The following AGBL1 variants were observed in gnomAD, a reference collection of about 807,000 sequenced individuals.
AGBL1 encodes cytosolic carboxypeptidase 4.
In AGBL1, 130 loss-of-function variants were observed where a neutral mutation model predicts 118.9. The observed-to-expected ratio is 1.09, with a 90% CI of 0.95 to 1.26. AGBL1 has a LOEUF of 1.26. AGBL1 is among the 50% of genes most tolerant of loss of function. The probability of loss-of-function intolerance (pLI) is 0.00; values close to 1 mark genes in which losing one functional copy is unlikely to be tolerated. For missense variants in AGBL1, 1,584 were observed against 1,298.1 expected (o/e 1.22, Z -3.38); for synonymous variants, 555 against 478.9 (o/e 1.16, Z -2.08).
At chr15:86,311,163 C>A (rs1420050590) in intron 17 of AGBL1, among the ~76,000 whole-genome samples, 1 of 152,210 alleles carries the variant, frequency 6.6e-6, no homozygotes, top group Non-Finnish European at 1.5e-5. Context: ...TTGTTCTTGG[C>A]ACTTACAGAT....
At chr15:87,028,780 A>G in intron 24 of AGBL1, 1 of 1,579,576 alleles carries the variant, frequency 6.3e-7, no homozygotes, top group Non-Finnish European at 8.7e-7. Flanking sequence ...CAGAAGTTAC[A>G]CGGCTTCAAG....
intron 21 of AGBL1, among the ~76,000 whole-genome samples, chr15:86,669,059 A>C (rs1403382555): frequency 6.6e-6 from 1 of 152,180 alleles, no homozygotes; most frequent in Non-Finnish European, 1.5e-5. Flanking sequence ...CCAACTGAAG[A>C]AAAGAGCGCT....
rs1315533787 is a variant in AGBL1 at position 86,880,682 on chromosome 15, AGT to A, written c.3159-26400_3159-26399del. 5.3e-5 allele frequency among the ~76,000 whole-genome samples: 8 copies of A among 151,484 alleles called. No homozygotes were observed. In the South Asian group the frequency reaches 8.3e-4, roughly 16 times the overall value. On this transcript the variant is annotated intron_variant, in intron 22 of 22. Transcript: ENST00000614907. ...GTGGATGTGAGTGGGTGTGGATGTG[AGT>A]GTGTACATGTGTGCATTTCTGCATT...
chr15:86,651,977 C>T (rs1257781403), intron 21 of AGBL1, among the ~76,000 whole-genome samples: 1 of 152,098 alleles, frequency 6.6e-6, no homozygotes, highest in East Asian at 1.9e-4. Context: ...GGAGTTTTTG[C>T]TTGTTTTTCT....
At chr15:86,871,811 A>G (rs778360579) in intron 22 of AGBL1, among the ~76,000 whole-genome samples, 30 of 152,294 alleles carry the variant, frequency 2.0e-4, no homozygotes, top group Non-Finnish European at 3.5e-4. Context: ...GTGCCAAAAG[A>G]GTTTTTGGGA....
At chr15:86,244,013 C>G (rs2078678272) in intron 6 of AGBL1, among the ~76,000 whole-genome samples, 1 of 150,654 alleles carries the variant, frequency 6.6e-6, no homozygotes, top group South Asian at 2.1e-4. Flanking sequence ...GGGTGAGACT[C>G]TGTCTTAAAA....
chr15:86,390,844 A>G (rs141665747), intron 17 of AGBL1, among the ~76,000 whole-genome samples: 2,216 of 151,570 alleles, frequency 0.015, 46 homozygotes, highest in Non-Finnish European at 0.017. Flanking sequence ...AAATTTTTGT[A>G]TTTTTAGTAG....
chr15:86,734,763 CTTTAGTT>C (rs2077570035), intron 22 of AGBL1, among the ~76,000 whole-genome samples: 1 of 152,116 alleles, frequency 6.6e-6, no homozygotes, highest in African/African-American at 2.4e-5. Context: ...CTGGCAGCCT[CTTTAGTT>C]TTTTGTGGTT....
At chr15:86,725,480 T>G (rs558190377) in intron 22 of AGBL1, among the ~76,000 whole-genome samples, 9 of 152,300 alleles carry the variant, frequency 5.9e-5, no homozygotes, top group African/African-American at 1.9e-4. Context: ...TGAGAACACA[T>G]TAGGGGTACC....
chr15:86,656,243 G>A lies in AGBL1; in HGVS notation c.2995-18030G>A, dbSNP rs1361428327. Among the ~76,000 whole-genome samples the A allele has an allele frequency of 6.6e-5, 10 of 152,218 alleles. No homozygotes were observed. In the East Asian group the frequency reaches 1.9e-3, roughly 29 times the overall value. On this transcript the variant is annotated intron_variant, in intron 21 of 22. Transcript: ENST00000614907. ...TCAACCATCTTAACAAGTGGCAGAG[G>A]GTGAGAAACTATGTACAATATTAAA...
At chr15:86,295,106 C>T (rs1018535229) in intron 16 of AGBL1, 149 bp from the exon 17 acceptor site, 40 of 843,714 alleles carry the variant, frequency 4.7e-5, no homozygotes, top group Non-Finnish European at 6.0e-5. Context: ...TAGAAATAGC[C>T]CCCTTTTAAT....
chr15:86,577,819 T>C (rs2084114213), intron 21 of AGBL1, among the ~76,000 whole-genome samples: 1 of 116,038 alleles, frequency 8.6e-6, no homozygotes, highest in Admixed American at 9.5e-5. Flanking sequence ...AGCCTGTGAG[T>C]GCACAGAAGT....
rs181367347 is a variant in AGBL1, at chr15:86,909,866, T to G, written c.*2572T>G. 1.3e-5 allele frequency: 2 copies of G among 152,206 alleles called. No individual in the cohort carries two copies. The highest frequency in any genetic ancestry group is 2.9e-5 in the Non-Finnish European group (2 of 68,034). 9.4% of individuals were successfully genotyped at this position (152,206 alleles called of 1,614,324 possible). A position where few individuals can be genotyped will look rare whatever the true frequency, so the allele number is the denominator to read the frequency against. On this transcript the variant is annotated 3_prime_UTR_variant, in exon 23 of 23. Transcript: ENST00000614907. The stretch of plus-strand genomic sequence containing the variant: ...CATGAGGCATGTTTCTTAAAAAACG[T>G]GACCATGACAGATAAGTTTTTATGT...
intron 17 of AGBL1, among the ~76,000 whole-genome samples, chr15:86,306,329 C>T (rs551337798): frequency 3.9e-5 from 6 of 152,152 alleles, no homozygotes; most frequent in Non-Finnish European, 8.8e-5. Flanking sequence ...TTCCAAGCCT[C>T]TGGTAACCAT....
At chr15:86,427,877 G>A (rs74025128) in intron 18 of AGBL1, among the ~76,000 whole-genome samples, 13,345 of 152,140 alleles carry the variant, frequency 0.088, 646 homozygotes, top group East Asian at 0.15. Flanking sequence ...CAAACACTGT[G>A]AACATGATAG....
chr15:86,696,982 G>GT (rs1250170959), intron 22 of AGBL1, among the ~76,000 whole-genome samples: 5 of 151,844 alleles, frequency 3.3e-5, no homozygotes, highest in Admixed American at 2.0e-4. Flanking sequence ...TAATAAGATA[G>GT]TTTTTTTTAA....
At chr15:86,794,440 G>T (rs1313275349) in intron 22 of AGBL1, among the ~76,000 whole-genome samples, 1 of 152,126 alleles carries the variant, frequency 6.6e-6, no homozygotes, top group African/African-American at 2.4e-5. Context: ...ATTGCCAGGG[G>T]CTAGCTGAAA....
chr15:86,564,563 A>AT (rs1394223661), intron 21 of AGBL1, among the ~76,000 whole-genome samples: 1 of 151,838 alleles, frequency 6.6e-6, no homozygotes, highest in Non-Finnish European at 1.5e-5. Flanking sequence ...TGCCCTTAAC[A>AT]TTTTTTCCTT....
intron 22 of AGBL1, among the ~76,000 whole-genome samples, chr15:86,740,834 G>C (rs2077667345): frequency 6.6e-6 from 1 of 152,144 alleles, no homozygotes. Context: ...GTGAATTCCA[G>C]TTAGGAAAGA....
Sources: gnomAD v4.1 joint callset for allele counts (sites outside exome capture counted in the v4.1 genomes callset) on GRCh38, gnomAD v4.1.1 for gene constraint, MANE v1.5 for transcripts, NCBI Gene and HGNC (gene_info 2026-07-23, HGNC 2026-07-21) for gene names.